Variants in CDK6 observed in about 807,000 individuals in gnomAD.
CDK6 encodes the protein cyclin-dependent kinase 6.
A neutral mutation model predicts 37.1 loss-of-function variants in CDK6; 6 were observed. The observed-to-expected ratio is 0.16, with a 90% CI of 0.09 to 0.32. The LOEUF (loss-of-function observed/expected upper bound fraction) is 0.32. Among genes scored for constraint, CDK6 ranks in the 10% least tolerant of loss-of-function variants. The probability of loss-of-function intolerance (pLI) is 1.00; values close to 1 mark genes in which losing one functional copy is unlikely to be tolerated. For missense variants in CDK6, 224 were observed against 418.9 expected (o/e 0.53, Z 4.06); for synonymous variants, 160 against 161.3 (o/e 0.99, Z 0.06).
At chr7:92,797,812 T>C (rs1800453443) in intron 2 of CDK6, among the ~76,000 whole-genome samples, 1 of 152,186 alleles carries the variant, frequency 6.6e-6, no homozygotes, top group South Asian at 2.1e-4. Flanking sequence ...TGGTTATGAA[T>C]TGCCTCATGG....
chr7:92,694,587 A>G (rs1797667359), intron 4 of CDK6, among the ~76,000 whole-genome samples: 1 of 152,190 alleles, frequency 6.6e-6, no homozygotes, highest in African/African-American at 2.4e-5. Flanking sequence ...TGAGTGGCAA[A>G]AGGCAAAGCC....
At chr7:92,802,086 T>C (rs1260671658) in intron 2 of CDK6, among the ~76,000 whole-genome samples, 1 of 146,166 alleles carries the variant, frequency 6.8e-6, no homozygotes, top group Non-Finnish European at 1.5e-5. Flanking sequence ...ACTGATATAC[T>C]GCATTGTGGT....
intron 7 of CDK6, 101 bp downstream of exon 7, chr7:92,617,971 A>T (rs2116483134): frequency 8.4e-7 from 1 of 1,194,910 alleles, no homozygotes; most frequent in Non-Finnish European, 1.2e-6. Flanking sequence ...TGTGATGCCT[A>T]TAGCAGCTAC....
Position 92,655,954 on chromosome 7 carries a change from T to C in CDK6, c.647+15472A>G, listed in dbSNP as rs142591337. On this transcript the variant is annotated intron_variant, in intron 5 of 7. Transcript: ENST00000424848. ...ATCTATGAGTACATTCTAATACCTG[T>C]AAATTTAATTTGGCAAGCAAAACTG... Among the ~76,000 whole-genome samples the C allele has an allele frequency of 1.1e-4, 16 of 152,352 alleles. 1 individual carries two copies. In the South Asian group the frequency reaches 1.4e-3, roughly 14 times the overall value.
In CDK6 at chr7:92,609,015, G is replaced by A. The variant is rs886673777; in HGVS notation, c.*6125C>T. ...GCCTTTCGCATAGGGGCTTTAACTGGACTCTAGTTCCTGGGAGCAGAGGGG... is the reference window on the plus strand; with the variant it reads ...GCCTTTCGCATAGGGGCTTTAACTGAACTCTAGTTCCTGGGAGCAGAGGGG... On this transcript the variant is annotated 3_prime_UTR_variant, in exon 8 of 8. Transcript: ENST00000424848. The A allele has an allele frequency of 3.4e-5, 8 of 233,268 alleles. No homozygotes were observed. Among genetic ancestry groups the A allele is most frequent in the Middle Eastern group, 1.2e-3 (1 of 810 alleles). The allele number at this position is 233,268 out of a possible 1,614,324, so 14.4% of individuals were successfully genotyped here.
chr7:92,653,429 C>T (rs141797654), intron 5 of CDK6, among the ~76,000 whole-genome samples: 37 of 152,280 alleles, frequency 2.4e-4, no homozygotes, highest in Non-Finnish European at 4.1e-4. Context: ...CTACTGTAAC[C>T]GCTTTGCCAA....
chr7:92,718,756 G>A (rs1798295979), intron 4 of CDK6, among the ~76,000 whole-genome samples: 1 of 152,184 alleles, frequency 6.6e-6, no homozygotes, highest in East Asian at 1.9e-4. Flanking sequence ...GCAGGTTCTT[G>A]AGCCTTATCA....
Position 92,711,552 on chromosome 7 carries a change from ATT to A in CDK6, c.537+14072_537+14073del, listed in dbSNP as rs11285626. On this transcript the variant is annotated intron_variant, in intron 4 of 7. Transcript: ENST00000424848. ...TTTTTTACCTACCTGGAATGGTCAA[ATT>A]TTTTTTTTTTTTTTTTTTTTTTTTT... is the stretch of plus-strand genomic sequence containing the variant. Among the ~76,000 whole-genome samples the A allele has an allele frequency of 9.6e-3, 546 of 56,584 alleles. 4 individuals are homozygous for A. The highest frequency in any genetic ancestry group is 0.024 in the African/African-American group (295 of 12,186). 37.1% of individuals were successfully genotyped at this position (56,584 alleles called of 152,430 possible).
chr7:92,713,999 C>T (rs1798162261), intron 4 of CDK6, among the ~76,000 whole-genome samples: 1 of 152,186 alleles, frequency 6.6e-6, no homozygotes, highest in African/African-American at 2.4e-5. Context: ...CCCACATATA[C>T]TCTATAAACA....
At chr7:92,790,788 C>T (rs1265894429) in intron 2 of CDK6, among the ~76,000 whole-genome samples, 4 of 152,032 alleles carry the variant, frequency 2.6e-5, no homozygotes, top group Non-Finnish European at 4.4e-5. Context: ...TGGAGGAAAA[C>T]TTTGTAGAAG....
At chr7:92,697,029 T>C (rs1307301180) in intron 4 of CDK6, among the ~76,000 whole-genome samples, 1 of 152,214 alleles carries the variant, frequency 6.6e-6, no homozygotes, top group African/African-American at 2.4e-5. Context: ...ATCTATAATG[T>C]CACAAAGTAC....
In CDK6 at chr7:92,761,545, T is replaced by C. The variant is rs1035843154; in HGVS notation, c.369+13151A>G. Among the ~76,000 whole-genome samples, 11 of 152,322 alleles carry C rather than the reference T, an allele frequency of 7.2e-5. No homozygotes were observed. The East Asian group carries it at 1.5e-3, about 21-fold the overall frequency. Reference sequence around the variant, plus strand: ...CTCCATTATTTCACTCATGACTCCATTCCTAATTTTCTGTTTTCTGGCAGC... The same window carrying C: ...CTCCATTATTTCACTCATGACTCCACTCCTAATTTTCTGTTTTCTGGCAGC... On this transcript the variant is annotated intron_variant, in intron 3 of 7. Coordinates refer to ENST00000424848, the MANE Select transcript of CDK6 (RefSeq NM_001145306.2).
chr7:92,741,281 G>A (rs964301172), intron 3 of CDK6, among the ~76,000 whole-genome samples: 1 of 152,184 alleles, frequency 6.6e-6, no homozygotes, highest in African/African-American at 2.4e-5. Flanking sequence ...GTTTATGTAT[G>A]TGTGGCTATG....
At chr7:92,735,588 C>A (rs887895803) in intron 3 of CDK6, among the ~76,000 whole-genome samples, 10 of 152,260 alleles carry the variant, frequency 6.6e-5, no homozygotes, top group Admixed American at 4.6e-4. Flanking sequence ...TTTAAACTGC[C>A]AAGCGCTATC....
At chr7:92,783,013 C>T (rs1340649195) in intron 2 of CDK6, among the ~76,000 whole-genome samples, 1 of 152,078 alleles carries the variant, frequency 6.6e-6, no homozygotes, top group East Asian at 1.9e-4. Context: ...TTCGCATGTC[C>T]ACTGGGCAAA....
intron 4 of CDK6, among the ~76,000 whole-genome samples, chr7:92,724,579 T>TA (rs1368158901): frequency 6.6e-6 from 1 of 152,314 alleles, no homozygotes; most frequent in Admixed American, 6.5e-5. Context: ...AATTTCTACT[T>TA]ATCAGCTGTA....
chr7:92,791,195 A>C (rs2115855664), intron 2 of CDK6, among the ~76,000 whole-genome samples: 1 of 152,184 alleles, frequency 6.6e-6, no homozygotes, highest in Middle Eastern at 3.4e-3. Flanking sequence ...GGGATGGGGA[A>C]GGAGAAGCCA....
intron 5 of CDK6, among the ~76,000 whole-genome samples, chr7:92,632,545 G>T (rs1241387006): frequency 6.6e-6 from 1 of 152,140 alleles, no homozygotes. Flanking sequence ...GTCTAGTATT[G>T]TGAGTTTAGT....
chr7:92,826,101 C>G (rs1801303621), intron 2 of CDK6, among the ~76,000 whole-genome samples: 1 of 152,078 alleles, frequency 6.6e-6, no homozygotes. Flanking sequence ...CATATGGTGT[C>G]TTCCTTTATA....
Sources: gnomAD v4.1 joint callset for allele counts (sites outside exome capture counted in the v4.1 genomes callset) on GRCh38, gnomAD v4.1.1 for gene constraint, MANE v1.5 for transcripts, NCBI Gene and HGNC (gene_info 2026-07-23, HGNC 2026-07-21) for gene names.